The following ESF1 variants were observed in gnomAD, a reference collection of about 807,000 sequenced individuals.
The protein encoded by ESF1 is ESF1 homolog.
A neutral mutation model predicts 92.0 loss-of-function variants in ESF1; 58 were observed. The ratio of observed to expected loss-of-function variants is 0.63; its 90% CI spans 0.51 to 0.78. The LOEUF (loss-of-function observed/expected upper bound fraction) is 0.78. ESF1 is among the 30% of genes least tolerant of loss of function. The pLI is 0.00. For synonymous variants in ESF1, 321 were observed against 313.7 expected (o/e 1.02, Z -0.24); for missense variants, 922 against 989.1 (o/e 0.93, Z 0.91).
chr20:13,770,063 G>C, intron 6 of ESF1, 42 bp from the exon 7 acceptor site: 2 of 1,158,258 alleles, frequency 1.7e-6, no homozygotes, highest in Non-Finnish European at 2.5e-6. Context: ...ATACGCTGCA[G>C]TGATAACCAC....
At chr20:13,725,607 A>AAGCTTT (rs2049896259) in intron 11 of ESF1, among the ~76,000 whole-genome samples, 2 of 152,080 alleles carry the variant, frequency 1.3e-5, no homozygotes, top group African/African-American at 4.8e-5. Flanking sequence ...TCAGCTTCTT[A>AAGCTTT]AGCTTTTCCC....
rs780344827 is a variant in ESF1, at chr20:13,770,059, T to G, written c.1404-38A>C. On this transcript the variant is annotated intron_variant, in intron 6 of 13. Coordinates refer to ENST00000617257, the MANE Select transcript of ESF1 (RefSeq NM_001276380.2). ...GAAAAAAAATTTATTTAAAATACGC[T>G]GCAGTGATAACCACAGTTTAGATTC... 33 of 1,216,938 alleles carry G rather than the reference T, an allele frequency of 2.7e-5. No individual in the cohort carries two copies. The South Asian group carries it at 4.3e-4, about 16-fold the overall frequency. The allele number at this position is 1,216,938 out of a possible 1,614,324, so 75.4% of individuals were successfully genotyped here.
chr20:13,734,692 A>G (rs1046549163), intron 9 of ESF1, among the ~76,000 whole-genome samples: 3 of 152,154 alleles, frequency 2.0e-5, no homozygotes, highest in Non-Finnish European at 4.4e-5. Flanking sequence ...TTGATAATAA[A>G]GATGTTTTTT....
intron 9 of ESF1, among the ~76,000 whole-genome samples, chr20:13,744,299 T>C (rs1193941358): frequency 6.6e-6 from 1 of 152,212 alleles, no homozygotes; most frequent in Non-Finnish European, 1.5e-5. Flanking sequence ...TAAAACACAT[T>C]ACTGATAAAA....
At chr20:13,780,517 C>A (rs1406174607) in intron 2 of ESF1, among the ~76,000 whole-genome samples, 1 of 152,174 alleles carries the variant, frequency 6.6e-6, no homozygotes, top group Non-Finnish European at 1.5e-5. Context: ...TGGGATACCA[C>A]CACTGACTCC....
chr20:13,758,041 T>C (rs767305851), intron 9 of ESF1, among the ~76,000 whole-genome samples: 10 of 140,490 alleles, frequency 7.1e-5, no homozygotes, highest in Non-Finnish European at 1.5e-4. Context: ...AGCATAATTA[T>C]GTAGCCTTAT....
chr20:13,728,587 C>G (rs941503302), intron 10 of ESF1, 122 bp from the exon 11 acceptor site: 2 of 799,062 alleles, frequency 2.5e-6, no homozygotes, highest in African/African-American at 3.5e-5. Context: ...AAATCAGTGG[C>G]CAAGCGTGGT....
At chr20:13,719,582 A>AG (rs918066556) in intron 11 of ESF1, among the ~76,000 whole-genome samples, 7 of 73,148 alleles carry the variant, frequency 9.6e-5, no homozygotes, top group African/African-American at 2.9e-4. Flanking sequence ...TTCATTCTGG[A>AG]AAAAAAGATC....
At chr20:13,749,206 C>T (rs1978496355) in intron 9 of ESF1, among the ~76,000 whole-genome samples, 1 of 148,636 alleles carries the variant, frequency 6.7e-6, no homozygotes, top group Non-Finnish European at 1.5e-5. Flanking sequence ...GCTTGGATTA[C>T]AGGCACCTGC....
chr20:13,766,012 G>A (rs1979411538), intron 8 of ESF1, among the ~76,000 whole-genome samples: 1 of 152,138 alleles, frequency 6.6e-6, no homozygotes, highest in African/African-American at 2.4e-5. Flanking sequence ...AAGACTGAAT[G>A]GAGAGGTCTA....
intron 9 of ESF1, among the ~76,000 whole-genome samples, chr20:13,754,088 G>C (rs571965136): frequency 2.6e-5 from 4 of 152,092 alleles, no homozygotes; most frequent in African/African-American, 4.8e-5. Context: ...AAAAAGAGTT[G>C]CCTCTACTTA....
chr20:13,733,902 C>A, intron 9 of ESF1, 60 bp from the exon 10 acceptor site: 2 of 1,518,200 alleles, frequency 1.3e-6, no homozygotes, highest in Admixed American at 2.2e-5. Context: ...ATCACTTAAA[C>A]ATATAATTTA....
At chr20:13,728,508 G>T in intron 10 of ESF1, 43 bp from the exon 11 acceptor site, 4 of 1,354,532 alleles carry the variant, frequency 3.0e-6, no homozygotes, top group Non-Finnish European at 4.1e-6. Flanking sequence ...ATTATTACAA[G>T]AATTATAATA....
chr20:13,754,147 T>A (rs1412506601), intron 9 of ESF1, among the ~76,000 whole-genome samples: 2 of 152,204 alleles, frequency 1.3e-5, no homozygotes, highest in African/African-American at 4.8e-5. Flanking sequence ...CATACTACTT[T>A]CATCCCCCAT....
chr20:13,765,137 C>T (rs1485484517), intron 8 of ESF1, among the ~76,000 whole-genome samples: 4 of 152,036 alleles, frequency 2.6e-5, no homozygotes, highest in Non-Finnish European at 5.9e-5. Context: ...CCATGAGAAT[C>T]GTTTGAACCC....
chr20:13,779,725 G>A (rs112957386), intron 2 of ESF1, among the ~76,000 whole-genome samples: 1,756 of 152,226 alleles, frequency 0.012, 31 homozygotes, highest in African/African-American at 0.039. Context: ...AGTAGAGACC[G>A]GGTTTTGCCA....
In ESF1 at chr20:13,776,132, A is replaced by C; in HGVS notation, c.776T>G (p.Ile259Ser). The C allele has an allele frequency of 6.2e-7, 1 of 1,613,762 alleles. No individual in the cohort carries two copies. The highest frequency in any genetic ancestry group is 8.5e-7 in the Non-Finnish European group (1 of 1,179,886). Residue 259 changes from isoleucine to serine, a missense_variant, in exon 3 of 14, where the codon ATT becomes AGT. Coordinates refer to ENST00000617257, the MANE Select transcript of ESF1 (RefSeq NM_001276380.2). Reference sequence around the variant, plus strand: ...ACCTGAAGCTCTACCAACACTTGTAATTTCATTTTCAGATTCCTCATCACT... The same window carrying C: ...ACCTGAAGCTCTACCAACACTTGTACTTTCATTTTCAGATTCCTCATCACT... ...IGSDEESENE[I>S]TSVGRASGDD... is the part of the protein sequence containing the mutation.
intron 2 of ESF1, among the ~76,000 whole-genome samples, chr20:13,781,613 C>CA (rs569445199): frequency 3.0e-4 from 46 of 152,242 alleles, no homozygotes; most frequent in East Asian, 1.7e-3. Context: ...TGCTCAGGGG[C>CA]AAAAAATCTG....
At chr20:13,745,258 C>T (rs2050040468) in intron 9 of ESF1, among the ~76,000 whole-genome samples, 1 of 152,104 alleles carries the variant, frequency 6.6e-6, no homozygotes, top group Non-Finnish European at 1.5e-5. Context: ...CAAGAAATTC[C>T]ATGCGTATCT....
Sources: gnomAD v4.1 joint callset for allele counts (sites outside exome capture counted in the v4.1 genomes callset) on GRCh38, gnomAD v4.1.1 for gene constraint, MANE v1.5 for transcripts, NCBI Gene and HGNC (gene_info 2026-07-23, HGNC 2026-07-21) for gene names.